RIMS1: variants seen among roughly 807,000 people sequenced by gnomAD.
The protein encoded by RIMS1 is regulating synaptic membrane exocytosis protein 1.
A neutral mutation model predicts 214.1 loss-of-function variants in RIMS1; 83 were observed. That is an observed-to-expected ratio of 0.39 (90% CI 0.32 to 0.47). RIMS1 has a LOEUF of 0.47. RIMS1 is among the 20% of genes least tolerant of loss of function. RIMS1 has a pLI of 0.99. For missense variants in RIMS1, 2,050 were observed against 2,161.8 expected, an observed-to-expected ratio of 0.95 and a Z score of 1.03; for synonymous variants, 793 against 786.8, an observed-to-expected ratio of 1.01 and a Z score of -0.13.
intron 4 of RIMS1, among the ~76,000 whole-genome samples, chr6:72,174,025 T>C (rs2047389136): frequency 6.6e-6 from 1 of 152,204 alleles, no homozygotes; most frequent in African/African-American, 2.4e-5. Flanking sequence ...TTTAATTCTA[T>C]TTCTCACTTC....
At chr6:71,972,719 A>G (rs1281513757) in intron 2 of RIMS1, among the ~76,000 whole-genome samples, 1 of 152,186 alleles carries the variant, frequency 6.6e-6, no homozygotes, top group Non-Finnish European at 1.5e-5. Flanking sequence ...AAAATGAGAT[A>G]TATAAATGAG....
intron 3 of RIMS1, among the ~76,000 whole-genome samples, chr6:72,098,299 T>A (rs985315765): frequency 6.6e-6 from 1 of 150,858 alleles, no homozygotes; most frequent in South Asian, 2.1e-4. Context: ...CTTTTTTTTT[T>A]TTTTTCTTTT....
intron 29 of RIMS1, among the ~76,000 whole-genome samples, chr6:72,344,485 C>CA (rs1185062122): frequency 6.6e-6 from 1 of 151,746 alleles, no homozygotes; most frequent in Non-Finnish European, 1.5e-5. Context: ...CTGAAAGCTA[C>CA]AGTGGATCAA....
intron 2 of RIMS1, among the ~76,000 whole-genome samples, chr6:72,010,897 T>C (rs997261924): frequency 3.3e-5 from 5 of 152,126 alleles, no homozygotes; most frequent in African/African-American, 9.7e-5. Context: ...AAAATGGCCA[T>C]ACTGCCCAAG....
At chr6:71,963,675 G>C (rs2151283214) in intron 1 of RIMS1, among the ~76,000 whole-genome samples, 1 of 152,236 alleles carries the variant, frequency 6.6e-6, no homozygotes, top group East Asian at 1.9e-4. Context: ...CAGAAAGAGA[G>C]TGAACGTTAC....
At chr6:72,387,606 G>A (rs756973890) in intron 29 of RIMS1, among the ~76,000 whole-genome samples, 4 of 152,156 alleles carry the variant, frequency 2.6e-5, no homozygotes, top group Non-Finnish European at 4.4e-5. Context: ...CCCTGCCTTC[G>A]GTAAGTGTGC....
Position 72,123,788 on chromosome 6 carries a change from T to C in RIMS1, c.471+23802T>C, listed in dbSNP as rs1023537696. ...AAGTCTGTTTTATCAGAGACTAGGA[T>C]TGCAACCCCTGCTTTTTTTTGTTTT... On this transcript the variant is annotated intron_variant, in intron 4 of 33. Coordinates refer to ENST00000521978, the MANE Select transcript of RIMS1 (RefSeq NM_014989.7). Among the ~76,000 whole-genome samples the C allele has an allele frequency of 3.3e-5, 5 of 151,976 alleles. 1 individual carries two copies. The highest frequency in any genetic ancestry group is 5.9e-5 in the Non-Finnish European group (4 of 67,836).
chr6:71,908,370 G>A (rs73748935), intron 1 of RIMS1, among the ~76,000 whole-genome samples: 126 of 152,214 alleles, frequency 8.3e-4, no homozygotes, highest in African/African-American at 2.9e-3. Flanking sequence ...TTCTTGTCTG[G>A]CCCTTAGGGC....
At chr6:71,975,770 T>C (rs972969887) in intron 2 of RIMS1, among the ~76,000 whole-genome samples, 2 of 152,164 alleles carry the variant, frequency 1.3e-5, no homozygotes, top group Admixed American at 1.3e-4. Flanking sequence ...CATTACTTTC[T>C]ATATTTATGA....
At chr6:72,004,054 A>G (rs558340) in intron 2 of RIMS1, among the ~76,000 whole-genome samples, 58,397 of 124,124 alleles carry the variant, frequency 0.47, 13,825 homozygotes, top group Admixed American at 0.53. Flanking sequence ...AGAGTGTGAC[A>G]TTACCCTTCC....
At chr6:72,087,060 GT>G (rs1198508638) in intron 2 of RIMS1, among the ~76,000 whole-genome samples, 1 of 152,188 alleles carries the variant, frequency 6.6e-6, no homozygotes. Flanking sequence ...CTCAGTCCAA[GT>G]TTTACGTTGA....
At chr6:72,155,508 A>T (rs1288168797) in intron 4 of RIMS1, among the ~76,000 whole-genome samples, 3 of 140,646 alleles carry the variant, frequency 2.1e-5, no homozygotes, top group Admixed American at 7.3e-5. Context: ...CACGCTTCTG[A>T]TAAAAACATA....
chr6:71,923,752 C>T (rs544931828), intron 1 of RIMS1, among the ~76,000 whole-genome samples: 30 of 151,842 alleles, frequency 2.0e-4, no homozygotes, highest in African/African-American at 6.8e-4. Flanking sequence ...TTAGTAGAGA[C>T]GGGGTGTCTT....
intron 1 of RIMS1, among the ~76,000 whole-genome samples, chr6:71,959,957 G>T (rs987163944): frequency 6.6e-6 from 1 of 152,102 alleles, no homozygotes; most frequent in African/African-American, 2.4e-5. Context: ...ATGACCAAAA[G>T]CATGTGGGAT....
chr6:72,017,255 A>G (rs996059268), intron 2 of RIMS1, among the ~76,000 whole-genome samples: 1 of 152,184 alleles, frequency 6.6e-6, no homozygotes, highest in Admixed American at 6.5e-5. Flanking sequence ...CTTAAATTTC[A>G]TTTTAATGGG....
intron 19 of RIMS1, chr6:72,263,269 T>G: frequency 1.0e-6 from 1 of 984,148 alleles, no homozygotes; most frequent in Non-Finnish European, 1.2e-6. Flanking sequence ...TTTCCCAACC[T>G]TTTTTTAGTA....
chr6:72,304,363 C>G (rs2094937882), intron 26 of RIMS1, among the ~76,000 whole-genome samples: 1 of 151,518 alleles, frequency 6.6e-6, no homozygotes, highest in Non-Finnish European at 1.5e-5. Context: ...GATATTTGAG[C>G]TGTCTGAGTT....
chr6:72,030,009 A>G (rs947303384), intron 2 of RIMS1, among the ~76,000 whole-genome samples: 2 of 152,232 alleles, frequency 1.3e-5, no homozygotes, highest in Non-Finnish European at 2.9e-5. Context: ...GAGAAGTCAC[A>G]TGCAAGTAAG....
chr6:72,170,699 T>G (rs1478927472), intron 4 of RIMS1, among the ~76,000 whole-genome samples: 1 of 152,194 alleles, frequency 6.6e-6, no homozygotes, highest in African/African-American at 2.4e-5. Context: ...GGAGAATTTT[T>G]GTCTATTTTT....
Sources: allele counts gnomAD v4.1 joint callset (sites outside exome capture counted in the v4.1 genomes callset), GRCh38; gene constraint gnomAD v4.1.1; transcripts MANE v1.5; gene names NCBI Gene and HGNC (gene_info 2026-07-23, HGNC 2026-07-21).